ARPP21: variants seen among roughly 807,000 people sequenced by gnomAD.
ARPP21 encodes the protein cAMP regulated phosphoprotein 21, also known as cAMP-regulated phosphoprotein 21.
A neutral mutation model predicts 113.2 loss-of-function variants in ARPP21; 69 were observed. That is an observed-to-expected ratio of 0.61 (90% CI 0.50 to 0.74). The LOEUF (loss-of-function observed/expected upper bound fraction) is 0.74. Among genes scored for constraint, ARPP21 ranks in the 30% least tolerant of loss-of-function variants. ARPP21 has a pLI of 0.00. For synonymous variants in ARPP21, 368 were observed against 375.5 expected, an observed-to-expected ratio of 0.98 and a Z score of 0.23; for missense variants, 1,070 against 1,037.4, an observed-to-expected ratio of 1.03 and a Z score of -0.43.
intron 19 of ARPP21, among the ~76,000 whole-genome samples, chr3:35,769,802 A>G (rs1160684971): frequency 2.0e-5 from 3 of 152,180 alleles, no homozygotes; most frequent in Admixed American, 6.5e-5. Context: ...CTAAAGCCAT[A>G]CTATCTTGCT....
intron 1 of ARPP21, among the ~76,000 whole-genome samples, chr3:35,668,580 C>A (rs2075541632): frequency 1.3e-5 from 2 of 152,134 alleles, no homozygotes; most frequent in African/African-American, 4.8e-5. Context: ...AGTTTTGAAC[C>A]ACACAGGATT....
chr3:35,743,703 C>T, intron 18 of ARPP21, 136 bp from the exon 19 acceptor site: 2 of 833,040 alleles, frequency 2.4e-6, no homozygotes, highest in Non-Finnish European at 4.0e-6. Context: ...CATGCACATA[C>T]ACATAGGCAT....
chr3:35,685,940 A>C, intron 5 of ARPP21: 1 of 373,296 alleles, frequency 2.7e-6, no homozygotes, highest in Non-Finnish European at 3.7e-6. Flanking sequence ...ATGCATAGAA[A>C]AGATATTTTT....
intron 4 of ARPP21, among the ~76,000 whole-genome samples, chr3:35,683,489 TA>T (rs1448170492): frequency 1.3e-5 from 2 of 149,764 alleles, no homozygotes; most frequent in African/African-American, 2.4e-5. Flanking sequence ...CACAATTTAC[TA>T]AAAGTATTTT....
At chr3:35,677,318 T>C (rs2077770998) in intron 1 of ARPP21, among the ~76,000 whole-genome samples, 1 of 151,672 alleles carries the variant, frequency 6.6e-6, no homozygotes, top group South Asian at 2.1e-4. Flanking sequence ...AGGACATATC[T>C]ATTTTGATAG....
intron 11 of ARPP21, among the ~76,000 whole-genome samples, chr3:35,714,225 G>A (rs763834712): frequency 5.3e-5 from 8 of 152,144 alleles, no homozygotes; most frequent in Non-Finnish European, 1.2e-4. Flanking sequence ...CAAGGTTAAA[G>A]CATAAACGAT....
chr3:35,762,206 A>G (rs1384956354), intron 19 of ARPP21, among the ~76,000 whole-genome samples: 1 of 151,766 alleles, frequency 6.6e-6, no homozygotes, highest in African/African-American at 2.4e-5. Flanking sequence ...TATTTTGTCA[A>G]GAGTCAATTG....
chr3:35,698,134 A>G (rs1468699475), intron 9 of ARPP21, among the ~76,000 whole-genome samples: 1 of 151,716 alleles, frequency 6.6e-6, no homozygotes, highest in Non-Finnish European at 1.5e-5. Context: ...TTACTGAGCA[A>G]GACACTTCGT....
chr3:35,783,848 T>A (rs140327814), intron 19 of ARPP21, among the ~76,000 whole-genome samples: 170 of 152,316 alleles, frequency 1.1e-3, no homozygotes, highest in African/African-American at 4.0e-3. Flanking sequence ...TCGAATGCAT[T>A]TTTTTGTATC....
At chr3:35,699,084 CTG>C (rs368722284) in intron 9 of ARPP21, among the ~76,000 whole-genome samples, 3 of 151,082 alleles carry the variant, frequency 2.0e-5, no homozygotes, top group Non-Finnish European at 4.4e-5. Context: ...TTGATCAAGA[CTG>C]TGTGTGTGTG....
intron 5 of ARPP21, chr3:35,684,715 C>G (rs538790588): frequency 1.0e-6 from 1 of 983,890 alleles, no homozygotes; most frequent in African/African-American, 1.7e-5. Flanking sequence ...ACTCTGAATT[C>G]CCCTCATGGA....
rs144166694 is a variant in ARPP21 at position 35,791,800 on chromosome 3, G to A, written c.2138-582G>A. On this transcript the variant is annotated intron_variant, in intron 19 of 20. Transcript: ENST00000684406. ...GAAACAGAAGAAAAGCATCACATGC[G>A]TCCCACTTGCTGTTGCCTTTTTGTC... 3.3e-5 allele frequency among the ~76,000 whole-genome samples: 5 copies of A among 152,214 alleles called. No homozygotes were observed. The East Asian group carries it at 7.7e-4, about 23-fold the overall frequency.
At chr3:35,785,225 T>C (rs543997470) in intron 19 of ARPP21, 4 of 152,126 alleles carry the variant, frequency 2.6e-5, no homozygotes, top group Non-Finnish European at 5.9e-5. Context: ...CGGGTAGAGG[T>C]GCAAGAATGC....
At chr3:35,674,029 A>G (rs1316886626) in intron 1 of ARPP21, among the ~76,000 whole-genome samples, 1 of 152,018 alleles carries the variant, frequency 6.6e-6, no homozygotes, top group Non-Finnish European at 1.5e-5. Flanking sequence ...TCCAATAGAA[A>G]TAACTGAAAA....
intron 9 of ARPP21, among the ~76,000 whole-genome samples, chr3:35,703,581 T>C (rs2087408834): frequency 6.6e-6 from 1 of 151,842 alleles, no homozygotes; most frequent in South Asian, 2.1e-4. Flanking sequence ...TTATTTTCCA[T>C]GCTTTTTTGA....
intron 1 of ARPP21, among the ~76,000 whole-genome samples, chr3:35,668,027 A>AGAAGGAGAAGG (rs2075309284): frequency 4.5e-5 from 6 of 132,470 alleles, no homozygotes; most frequent in African/African-American, 1.7e-4. Flanking sequence ...GAAGAAGAAG[A>AGAAGGAGAAGG]AGAAGGAGAA....
chr3:35,738,330 T>C lies in ARPP21; in HGVS notation c.1749+12T>C, dbSNP rs746431280. 3.3e-6 allele frequency: 5 copies of C among 1,510,444 alleles called. No homozygotes were observed. The highest frequency in any genetic ancestry group is 2.8e-5 in the African/African-American group (2 of 72,524). The allele number at this position is 1,510,444 out of a possible 1,614,324, so 93.6% of individuals were successfully genotyped here. ...AGCACTTTCCCATGGTACTGTATTA[T>C]GTGTATATGACTTTTTCCCCTAGGA... is the stretch of plus-strand genomic sequence containing the variant. On this transcript the variant is annotated intron_variant, in intron 17 of 20. Coordinates refer to ENST00000684406, the MANE Select transcript of ARPP21 (RefSeq NM_001385562.1).
intron 11 of ARPP21, 139 bp from the exon 12 acceptor site, chr3:35,715,300 T>C: frequency 1.5e-6 from 1 of 683,396 alleles, no homozygotes; most frequent in African/African-American, 1.8e-5. Context: ...TTTTTCCTTT[T>C]TTATTTCTAT....
chr3:35,776,205 CAAT>C (rs1296769448), intron 19 of ARPP21, among the ~76,000 whole-genome samples: 2 of 152,010 alleles, frequency 1.3e-5, no homozygotes, highest in African/African-American at 2.4e-5. Flanking sequence ...AGAATATTAT[CAAT>C]AATATGTTAA....
Sources: allele counts gnomAD v4.1 joint callset (sites outside exome capture counted in the v4.1 genomes callset), GRCh38; gene constraint gnomAD v4.1.1; transcripts MANE v1.5; gene names NCBI Gene and HGNC (gene_info 2026-07-23, HGNC 2026-07-21).